Variants in ZNF568 observed in about 807,000 individuals in gnomAD.
The protein encoded by ZNF568 is p53 inhibitor of SCO2 activation.
A neutral mutation model predicts 18.1 loss-of-function variants in ZNF568; 11 were observed. That is an observed-to-expected ratio of 0.61 (90% CI 0.38 to 1.00). The LOEUF (loss-of-function observed/expected upper bound fraction) is 1.00. Among genes scored for constraint, ZNF568 ranks in the 50% least tolerant of loss-of-function variants. The pLI, the probability that ZNF568 is intolerant of heterozygous loss-of-function variation, is 0.01. For synonymous variants in ZNF568, 213 were observed against 246.6 expected (o/e 0.86, Z 1.28); for missense variants, 639 against 768.2 (o/e 0.83, Z 1.99).
At chr19:36,944,633 C>T (rs900769559) in intron 6 of ZNF568, among the ~76,000 whole-genome samples, 2 of 152,080 alleles carry the variant, frequency 1.3e-5, no homozygotes, top group African/African-American at 4.8e-5. Context: ...TAGCAGCATG[C>T]CTGCTTCTAC....
At position 36,951,341 on chromosome 19, in the gene ZNF568, G is replaced by T. The variant is rs1305071218; in HGVS notation, c.*253G>T. Reference sequence around the variant, plus strand: ...GAATTTTCTAGGATCTTTCAAAAATGATTATAAAATTCATGTGAAATAGAA... The same window carrying T: ...GAATTTTCTAGGATCTTTCAAAAATTATTATAAAATTCATGTGAAATAGAA... On this transcript the variant is annotated 3_prime_UTR_variant, in exon 7 of 7. Coordinates refer to ENST00000333987, the MANE Select transcript of ZNF568 (RefSeq NM_198539.4). The T allele has an allele frequency of 1.3e-5, 4 of 307,428 alleles. No individual in the cohort carries two copies. The highest frequency in any genetic ancestry group is 2.3e-5 in the Non-Finnish European group (4 of 170,606). The allele number at this position is 307,428 out of a possible 1,614,324, so 19.0% of individuals were successfully genotyped here. A position where few individuals can be genotyped will look rare whatever the true frequency, so the allele number is the denominator to read the frequency against.
downstream of ZNF568, among the ~76,000 whole-genome samples, chr19:36,956,298 G>A (rs988809979): frequency 4.6e-5 from 7 of 152,180 alleles, no homozygotes; most frequent in South Asian, 2.1e-4. Context: ...GAAAGGAGCT[G>A]CCTTATGCAA....
chr19:36,939,584 G>T lies in ZNF568; in HGVS notation c.358+2342G>T, dbSNP rs372019425. Among the ~76,000 whole-genome samples the T allele has an allele frequency of 8.4e-5, 11 of 130,204 alleles. No individual in the cohort carries two copies. The East Asian group carries it at 1.7e-3, about 20-fold the overall frequency. The allele number at this position is 130,204 out of a possible 152,430, so 85.4% of individuals were successfully genotyped here. Reference sequence around the variant, plus strand: ...AGACGGAGTCTCACTCTGTCATCCAGGCTGGAGTGCAGTGGTGCAGTCTCA... The same window carrying T: ...AGACGGAGTCTCACTCTGTCATCCATGCTGGAGTGCAGTGGTGCAGTCTCA... On this transcript the variant is annotated intron_variant, in intron 6 of 6. Coordinates refer to ENST00000333987, the MANE Select transcript of ZNF568 (RefSeq NM_198539.4).
chr19:36,996,490 A>T, exon 5 of ZNF568: 1 of 1,536,456 alleles, frequency 6.5e-7, no homozygotes. Flanking sequence ...ATTTACTTCC[A>T]TGCAGTGCAC....
chr19:36,979,635 A>C (rs971145772), exon 8 of ZNF568: 1 of 152,188 alleles, frequency 6.6e-6, no homozygotes, highest in African/African-American at 2.4e-5. Flanking sequence ...AACTTATCCT[A>C]CTGTATAGCC....
At chr19:36,991,578 A>C (rs894067015) in intron 3 of ZNF568, 1 of 643,174 alleles carries the variant, frequency 1.6e-6, no homozygotes, top group Non-Finnish European at 2.5e-6. Flanking sequence ...CACATATTGC[A>C]AACTTTTTTT....
intron 2 of ZNF568, among the ~76,000 whole-genome samples, chr19:36,987,258 G>A (rs2074383971): frequency 1.3e-5 from 2 of 152,178 alleles, no homozygotes; most frequent in South Asian, 2.1e-4. Flanking sequence ...TACTGGCCGT[G>A]AGGATTCCTG....
intron 6 of ZNF568, among the ~76,000 whole-genome samples, chr19:36,969,003 G>A (rs891631167): frequency 1.1e-4 from 17 of 151,844 alleles, no homozygotes; most frequent in Non-Finnish European, 1.6e-4. Flanking sequence ...TTACAGGCAC[G>A]TGCCACCATG....
At chr19:36,996,585 A>G (rs994648217) in exon 5 of ZNF568, 12 of 1,536,140 alleles carry the variant, frequency 7.8e-6, no homozygotes, top group Non-Finnish European at 1.0e-5. Context: ...GGTACCAGTC[A>G]TGTCCTATTC....
downstream of ZNF568, among the ~76,000 whole-genome samples, chr19:36,957,191 A>G (rs554746694): frequency 1.2e-4 from 18 of 148,984 alleles, no homozygotes; most frequent in Admixed American, 6.7e-4. Context: ...TTTCAATCTC[A>G]AGGCCCCCTA....
At chr19:36,940,459 A>G (rs2073861764) in intron 6 of ZNF568, among the ~76,000 whole-genome samples, 1 of 152,218 alleles carries the variant, frequency 6.6e-6, no homozygotes, top group Non-Finnish European at 1.5e-5. Flanking sequence ...GATGTCTAAC[A>G]CTTGTTTATT....
At chr19:36,953,300 T>C (rs1281413012), downstream of ZNF568, among the ~76,000 whole-genome samples, 1 of 152,258 alleles carries the variant, frequency 6.6e-6, no homozygotes, top group Non-Finnish European at 1.5e-5. Flanking sequence ...ATTAATATCA[T>C]TGTTAATTAT....
intron 6 of ZNF568, among the ~76,000 whole-genome samples, chr19:36,962,277 G>GTTTTTTT (rs71177418): frequency 4.9e-4 from 22 of 45,276 alleles, no homozygotes; most frequent in South Asian, 1.0e-3. Context: ...GTGTTGCAGT[G>GTTTTTTT]TTTTTTTTTT....
At chr19:36,922,933 GA>G in intron 3 of ZNF568, 87 bp downstream of exon 3, 1 of 1,128,926 alleles carries the variant, frequency 8.9e-7, no homozygotes. Context: ...CTCCTACTGA[GA>G]AAGGTCACGT....
intron 6 of ZNF568, among the ~76,000 whole-genome samples, chr19:36,948,657 G>GGTTTTTTTTTTTTTTTTTTTTT: frequency 2.3e-5 from 1 of 42,576 alleles, no homozygotes; most frequent in Non-Finnish European, 4.1e-5. Flanking sequence ...TTTTGTTGTT[G>GGTTTTTTTTTTTTTTTTTTTTT]ATTTTTTTTT....
At chr19:36,959,415 A>G (rs574891166) in intron 6 of ZNF568, among the ~76,000 whole-genome samples, 1 of 152,084 alleles carries the variant, frequency 6.6e-6, no homozygotes, top group South Asian at 2.1e-4. Context: ...TTGGTTTGTT[A>G]GTGCTTTTTT....
chr19:36,971,414 A>T (rs1568402199), intron 6 of ZNF568, among the ~76,000 whole-genome samples: 1 of 151,914 alleles, frequency 6.6e-6, no homozygotes, highest in East Asian at 1.9e-4. Flanking sequence ...ATACTTAAGA[A>T]TTTTTTTTAA....
At chr19:36,991,480 C>A in intron 3 of ZNF568, 1 of 802,702 alleles carries the variant, frequency 1.2e-6, no homozygotes, top group Non-Finnish European at 1.8e-6. Flanking sequence ...ATTGGCTGTT[C>A]CAGCAGGCAC....
In ZNF568 at chr19:36,949,597, A is replaced by G. The variant is rs1306923467; in HGVS notation, c.444A>G (p.Ile148Met). 3 of 1,613,526 alleles carry G rather than the reference A, an allele frequency of 1.9e-6. No individual in the cohort carries two copies. The highest frequency in any genetic ancestry group is 2.5e-6 in the Non-Finnish European group (3 of 1,179,762). Residue 148 changes from isoleucine to methionine, a missense_variant, in exon 7 of 7, where the codon ATA becomes ATG. Transcript: ENST00000333987. ...CATCCATCTCCAAGAAAATTCTGATAAAGGAAAAAGTCATTGAATGTAAAA... is the reference window on the plus strand; with the variant it reads ...CATCCATCTCCAAGAAAATTCTGATGAAGGAAAAAGTCATTGAATGTAAAA... Reference protein sequence around the residue: ...KVTSISKKILIKEKVIECKKV... With the variant: ...KVTSISKKILMKEKVIECKKV...
Sources: gnomAD v4.1 joint callset for allele counts (sites outside exome capture counted in the v4.1 genomes callset) on GRCh38, gnomAD v4.1.1 for gene constraint, MANE v1.5 for transcripts, NCBI Gene and HGNC (gene_info 2026-07-23, HGNC 2026-07-21) for gene names.